The following USP42 variants were observed in gnomAD, a reference collection of about 807,000 sequenced individuals.
USP42 encodes ubiquitin specific peptidase 42.
USP42 carries 23 observed loss-of-function variants against 113.0 expected under a neutral mutation model. The ratio of observed to expected loss-of-function variants is 0.20; its 90% CI spans 0.15 to 0.29. The LOEUF (loss-of-function observed/expected upper bound fraction) is 0.29, where lower values mean the gene tolerates loss of function less well. Among genes scored for constraint, USP42 ranks in the 10% least tolerant of loss-of-function variants. The pLI, the probability that USP42 is intolerant of heterozygous loss-of-function variation, is 1.00. For missense variants in USP42, 2,174 were observed against 1,779.8 expected (o/e 1.22, Z -3.99); for synonymous variants, 933 against 699.0 (o/e 1.33, Z -5.28).
chr7:6,107,637 G>C (rs182081008), intron 1 of USP42, among the ~76,000 whole-genome samples: 7 of 152,166 alleles, frequency 4.6e-5, no homozygotes, highest in Admixed American at 1.3e-4. Context: ...TTGAACTCCT[G>C]ATTTCAGGTG....
intron 3 of USP42, among the ~76,000 whole-genome samples, chr7:6,132,169 A>G (rs1583628750): frequency 6.6e-6 from 1 of 151,916 alleles, no homozygotes. Flanking sequence ...CAAGCGATCC[A>G]CCCGCCTTGG....
intron 2 of USP42, among the ~76,000 whole-genome samples, chr7:6,114,011 A>G (rs893941559): frequency 6.6e-6 from 1 of 152,172 alleles, no homozygotes; most frequent in African/African-American, 2.4e-5. Flanking sequence ...TTCCTAAATA[A>G]GTTGTTTCTT....
At chr7:6,100,882 G>A (rs1790106350), upstream of USP42, among the ~76,000 whole-genome samples, 1 of 149,838 alleles carries the variant, frequency 6.7e-6, no homozygotes, top group Non-Finnish European at 1.5e-5. Context: ...TGGTCACGCT[G>A]GTCTTGAACT....
In USP42 at chr7:6,154,361, C is replaced by G. The variant is rs745569983; in HGVS notation, c.2807C>G (p.Ser936Cys). The G allele has an allele frequency of 5.7e-6, 9 of 1,574,530 alleles. No homozygotes were observed. The East Asian group carries it at 1.9e-4, about 33-fold the overall frequency. ...GCGGCGCCGAAAGCCCCAGGCCCTT[C>G]CCCAGCGAAGGAGAAAATCGGCAGC... The part of the protein sequence containing the change: ...DAAAPKAPGP[S>C]PAKEKIGSLR... The change falls in exon 15 of 18, where the codon TCC becomes TGC. Residue 936 changes from serine to cysteine, a missense_variant. Transcript: ENST00000306177.
the USP42 span, among the ~76,000 whole-genome samples, chr7:6,082,603 G>GTTTTTTTTTTTCTTTT: frequency 1.1e-5 from 1 of 90,196 alleles, no homozygotes. Context: ...CTTTCTTTCT[G>GTTTTTTTTTTTCTTTT]TTTTTTTTTT....
chr7:6,161,294 A>ACAAT lies in USP42; in HGVS notation c.*779_*782dup, dbSNP rs1274779033. The ACAAT allele has an allele frequency of 2.0e-5, 3 of 152,604 alleles. No individual in the cohort carries two copies. The highest frequency in any genetic ancestry group is 6.5e-5 in the Admixed American group (1 of 15,270). 9.5% of individuals were successfully genotyped at this position (152,604 alleles called of 1,614,324 possible). On this transcript the variant is annotated 3_prime_UTR_variant, in exon 18 of 18. Transcript: ENST00000306177. Reference sequence around the variant, plus strand: ...TCCCTTCGAGTTTCTAGTTACAGACACAATCATACTGTGATTTTATTTTTA... The same window carrying ACAAT: ...TCCCTTCGAGTTTCTAGTTACAGACACAATCAATCATACTGTGATTTTATTTTTA...
At chr7:6,153,402 C>G (rs1363558894) in intron 14 of USP42, among the ~76,000 whole-genome samples, 3 of 151,674 alleles carry the variant, frequency 2.0e-5, no homozygotes, top group African/African-American at 4.8e-5. Context: ...AGGCTAGGAG[C>G]TGGGCTTGAT....
At chr7:6,100,141 C>T (rs1300882402), upstream of USP42, among the ~76,000 whole-genome samples, 3 of 149,426 alleles carry the variant, frequency 2.0e-5, no homozygotes, top group African/African-American at 7.6e-5. Flanking sequence ...GTGTGAGTCA[C>T]CGCACCTGGC....
chr7:6,147,686 T>G, intron 11 of USP42, 53 bp from the exon 12 acceptor site: 3 of 1,488,634 alleles, frequency 2.0e-6, no homozygotes, highest in Non-Finnish European at 2.7e-6. Flanking sequence ...TAAATGAATC[T>G]CTCCTAAGGA....
chr7:6,095,384 G>A, the USP42 span, among the ~76,000 whole-genome samples: 1 of 151,274 alleles, frequency 6.6e-6, no homozygotes, highest in African/African-American at 2.5e-5. Flanking sequence ...TAAATGGCCA[G>A]AGGGGCCGGG....
At chr7:6,140,833 A>G in intron 6 of USP42, 81 bp from the exon 7 acceptor site, 1 of 831,360 alleles carries the variant, frequency 1.2e-6, no homozygotes, top group South Asian at 1.7e-5. Context: ...AAATTTCAAA[A>G]TTGTATTTTG....
intron 3 of USP42, among the ~76,000 whole-genome samples, chr7:6,123,700 T>C (rs887657456): frequency 1.3e-5 from 2 of 151,626 alleles, no homozygotes; most frequent in Non-Finnish European, 2.9e-5. Flanking sequence ...ATTAAAAAAT[T>C]AGCTAGGCGT....
chr7:6,140,992 T>TCATAATTACTCC lies in USP42; in HGVS notation c.795+16_795+17insCTCCCATAATTA. ...ATAACATTGGAGATAAAGGTAAATT[T>TCATAATTACTCC]CATAATTATGGGAGTAATTACATTT... On this transcript the variant is annotated intron_variant, in intron 7 of 17. Coordinates refer to ENST00000306177, the MANE Select transcript of USP42 (RefSeq NM_032172.3). 1 of 1,414,248 alleles carries TCATAATTACTCC rather than the reference T, an allele frequency of 7.1e-7. No homozygotes were observed. The highest frequency in any genetic ancestry group is 9.8e-7 in the Non-Finnish European group (1 of 1,023,530). 87.6% of individuals were successfully genotyped at this position (1,414,248 alleles called of 1,614,324 possible). A position where few individuals can be genotyped will look rare whatever the true frequency, so the allele number is the denominator to read the frequency against.
intron 3 of USP42, among the ~76,000 whole-genome samples, chr7:6,118,369 A>G (rs1046127000): frequency 1.3e-5 from 2 of 152,180 alleles, no homozygotes; most frequent in Middle Eastern, 3.2e-3. Flanking sequence ...AAAAAATACA[A>G]AAATTATCTG....
chr7:6,124,611 T>C (rs1235409621), intron 3 of USP42, among the ~76,000 whole-genome samples: 1 of 152,222 alleles, frequency 6.6e-6, no homozygotes, highest in Non-Finnish European at 1.5e-5. Context: ...TCTTGCTTTT[T>C]ATCCAATAGT....
chr7:6,106,775 A>C (rs77100179), intron 1 of USP42, among the ~76,000 whole-genome samples: 3 of 151,702 alleles, frequency 2.0e-5, no homozygotes, highest in African/African-American at 7.3e-5. Context: ...ACTGTTGCCC[A>C]GGCTGGTCTG....
intron 3 of USP42, among the ~76,000 whole-genome samples, chr7:6,122,460 G>GT (rs1011666276): frequency 2.6e-5 from 4 of 151,248 alleles, no homozygotes; most frequent in Admixed American, 6.6e-5. Flanking sequence ...GTTTTGTTTT[G>GT]TTTTTTTGTT....
chr7:6,116,123 G>A (rs1056049716), intron 3 of USP42, among the ~76,000 whole-genome samples: 2 of 124,356 alleles, frequency 1.6e-5, no homozygotes, highest in South Asian at 4.8e-4. Flanking sequence ...AAAAAAAAAC[G>A]TCTGATGCCA....
At position 6,115,462 on chromosome 7, in the gene USP42, G is replaced by A. The variant is rs754043868; in HGVS notation, c.381G>A (p.Gln127=). 3 of 1,614,084 alleles carry A rather than the reference G, an allele frequency of 1.9e-6. No homozygotes were observed. Among genetic ancestry groups the A allele is most frequent in the South Asian group, 1.1e-5 (1 of 91,088 alleles). Residue 127 remains glutamine (Q), a synonymous_variant, in exon 3 of 18, where the codon CAG becomes CAA. Coordinates refer to ENST00000306177, the MANE Select transcript of USP42 (RefSeq NM_032172.3). ...CCTGTTTTGCCAATGCAGCACTGCA[G>A]TGTTTAACCTACACACCACCTCTTG... is the stretch of plus-strand genomic sequence containing the variant. ...GNTCFANAAL[Q]CLTYTPPLAN... is the part of the protein sequence containing the mutation.
Sources: gnomAD v4.1 joint callset for allele counts (sites outside exome capture counted in the v4.1 genomes callset) on GRCh38, gnomAD v4.1.1 for gene constraint, MANE v1.5 for transcripts, NCBI Gene and HGNC (gene_info 2026-07-23, HGNC 2026-07-21) for gene names.